The following ARHGAP15 variants were observed in gnomAD, a reference collection of about 807,000 sequenced individuals.
ARHGAP15 encodes Rho GTPase activating protein 15.
Under a neutral mutation model 63.7 loss-of-function variants are expected in ARHGAP15, and 51 were observed. The observed-to-expected ratio is 0.80, with a 90% CI of 0.64 to 1.01. The LOEUF (loss-of-function observed/expected upper bound fraction) is 1.01. Among genes scored for constraint, ARHGAP15 ranks in the 50% least tolerant of loss-of-function variants. The pLI, the probability that ARHGAP15 is intolerant of heterozygous loss-of-function variation, is 0.00. For missense variants in ARHGAP15, 560 were observed against 564.6 expected (o/e 0.99, Z 0.08); for synonymous variants, 191 against 193.8 (o/e 0.99, Z 0.12).
intron 10 of ARHGAP15, among the ~76,000 whole-genome samples, chr2:143,552,413 T>C (rs1695604255): frequency 6.6e-6 from 1 of 152,206 alleles, no homozygotes; most frequent in Non-Finnish European, 1.5e-5. Flanking sequence ...AATCTGGTCT[T>C]AGATTTCTTT....
At chr2:143,433,676 G>T (rs1432027504) in intron 6 of ARHGAP15, among the ~76,000 whole-genome samples, 2 of 151,894 alleles carry the variant, frequency 1.3e-5, no homozygotes, top group East Asian at 3.9e-4. Context: ...GAACTATGTT[G>T]GCTCTTTCGT....
chr2:143,370,363 G>A (rs958317244), intron 6 of ARHGAP15, among the ~76,000 whole-genome samples: 4 of 152,116 alleles, frequency 2.6e-5, no homozygotes, highest in African/African-American at 9.7e-5. Context: ...TGGGGGAAGG[G>A]GGGAGGGATA....
At chr2:143,276,362 GA>G (rs1681548973) in intron 6 of ARHGAP15, among the ~76,000 whole-genome samples, 1 of 152,190 alleles carries the variant, frequency 6.6e-6, no homozygotes, top group Non-Finnish European at 1.5e-5. Flanking sequence ...AGAATTTACA[GA>G]GGGATTAGTT....
intron 8 of ARHGAP15, among the ~76,000 whole-genome samples, chr2:143,439,873 G>A (rs1380758442): frequency 6.6e-6 from 1 of 152,088 alleles, no homozygotes; most frequent in African/African-American, 2.4e-5. Context: ...ATAGAAATCA[G>A]TAAACTTGAA....
chr2:143,721,078 A>AAAAAAAAAAC (rs1685036886), intron 13 of ARHGAP15, among the ~76,000 whole-genome samples: 1 of 151,180 alleles, frequency 6.6e-6, no homozygotes, highest in African/African-American at 2.4e-5. Flanking sequence ...AAAAAAAAAA[A>AAAAAAAAAAC]AATGCAGATT....
At chr2:143,508,587 A>T (rs1190954543) in intron 9 of ARHGAP15, among the ~76,000 whole-genome samples, 1 of 152,150 alleles carries the variant, frequency 6.6e-6, no homozygotes, top group East Asian at 1.9e-4. Context: ...ACCCTTCTCT[A>T]TGCCGTTGTG....
intron 9 of ARHGAP15, among the ~76,000 whole-genome samples, chr2:143,490,885 C>T (rs1559006371): frequency 6.6e-6 from 1 of 152,110 alleles, no homozygotes; most frequent in Non-Finnish European, 1.5e-5. Flanking sequence ...GCCTTGGCCT[C>T]CCAAAGCGCT....
intron 10 of ARHGAP15, among the ~76,000 whole-genome samples, chr2:143,542,768 T>G (rs1204568114): frequency 1.0e-5 from 1 of 95,998 alleles, no homozygotes; most frequent in African/African-American, 3.2e-5. Flanking sequence ...ATCACATATA[T>G]AATATATATA....
At chr2:143,637,596 A>T (rs1344690736) in intron 12 of ARHGAP15, among the ~76,000 whole-genome samples, 1 of 152,148 alleles carries the variant, frequency 6.6e-6, no homozygotes. Context: ...AAACCTGAGC[A>T]GTTTGTCTTC....
intron 12 of ARHGAP15, among the ~76,000 whole-genome samples, chr2:143,649,954 C>A (rs1383147734): frequency 6.6e-6 from 1 of 151,864 alleles, no homozygotes; most frequent in South Asian, 2.1e-4. Flanking sequence ...GAAGAATAAC[C>A]ATTTCACTAA....
At chr2:143,561,441 T>G (rs549443152) in intron 11 of ARHGAP15, among the ~76,000 whole-genome samples, 14 of 152,322 alleles carry the variant, frequency 9.2e-5, no homozygotes, top group African/African-American at 3.1e-4. Flanking sequence ...GTTACAAATA[T>G]TCTCTCTGTT....
At chr2:143,536,904 G>C (rs1385122315) in intron 10 of ARHGAP15, among the ~76,000 whole-genome samples, 1 of 152,130 alleles carries the variant, frequency 6.6e-6, no homozygotes, top group African/African-American at 2.4e-5. Context: ...TGAGATGGCT[G>C]GGTCAAATGG....
chr2:143,652,604 T>C (rs183891428), intron 12 of ARHGAP15, among the ~76,000 whole-genome samples: 8 of 152,238 alleles, frequency 5.3e-5, no homozygotes, highest in African/African-American at 1.9e-4. Context: ...TCTTCTTTAA[T>C]TTTTCACAAC....
intron 13 of ARHGAP15, among the ~76,000 whole-genome samples, chr2:143,723,677 G>A (rs78742107): frequency 0.011 from 1,728 of 152,212 alleles, 14 homozygotes; most frequent in Non-Finnish European, 0.019. Flanking sequence ...TCACACATCG[G>A]TCAACTTAAC....
At chr2:143,400,718 T>C (rs1320138) in intron 6 of ARHGAP15, among the ~76,000 whole-genome samples, 92,833 of 151,794 alleles carry the variant, frequency 0.61, 28,852 homozygotes, top group Admixed American at 0.72. Context: ...GGGTGTTCCG[T>C]CCTTCTTATT....
intron 11 of ARHGAP15, among the ~76,000 whole-genome samples, chr2:143,570,932 A>T (rs1194322770): frequency 6.6e-6 from 1 of 152,176 alleles, no homozygotes; most frequent in East Asian, 1.9e-4. Context: ...AGGGGCCAGT[A>T]CCAGTCCATG....
chr2:143,292,347 A>G (rs960990758), intron 6 of ARHGAP15, among the ~76,000 whole-genome samples: 11 of 152,140 alleles, frequency 7.2e-5, no homozygotes, highest in African/African-American at 2.7e-4. Flanking sequence ...ATGCAGGAAG[A>G]TGCCAATATT....
chr2:143,703,589 T>A, intron 13 of ARHGAP15, 65 bp downstream of exon 13: 1 of 1,301,252 alleles, frequency 7.7e-7, no homozygotes, highest in Non-Finnish European at 1.1e-6. Flanking sequence ...AATATTGAAT[T>A]TCACATCTCT....
At chr2:143,672,167 A>C (rs764170916) in intron 12 of ARHGAP15, among the ~76,000 whole-genome samples, 1 of 152,196 alleles carries the variant, frequency 6.6e-6, no homozygotes, top group African/African-American at 2.4e-5. Context: ...AAATTGGTAG[A>C]TTTTCACTTC....
Sources: allele counts gnomAD v4.1 joint callset (sites outside exome capture counted in the v4.1 genomes callset), GRCh38; gene constraint gnomAD v4.1.1; transcripts MANE v1.5; gene names NCBI Gene and HGNC (gene_info 2026-07-23, HGNC 2026-07-21).